Variants in SLC2A9 observed in about 807,000 individuals in gnomAD.
SLC2A9 encodes solute carrier family 2, facilitated glucose transporter member 9.
Under a neutral mutation model 50.6 loss-of-function variants are expected in SLC2A9, and 39 were observed. The ratio of observed to expected loss-of-function variants is 0.77; its 90% confidence interval spans 0.60 to 1.01. The LOEUF (loss-of-function observed/expected upper bound fraction) is 1.01, where lower values mean the gene tolerates loss of function less well. Among genes scored for constraint, SLC2A9 ranks in the 50% least tolerant of loss-of-function variants. The pLI is 0.00. For missense variants in SLC2A9, 686 were observed against 677.6 expected, an observed-to-expected ratio of 1.01 and a Z score of -0.14; for synonymous variants, 324 against 276.9, an observed-to-expected ratio of 1.17 and a Z score of -1.69.
At chr4:9,888,673 G>T (rs533789572) in intron 9 of SLC2A9, among the ~76,000 whole-genome samples, 7 of 152,206 alleles carry the variant, frequency 4.6e-5, no homozygotes, top group African/African-American at 1.4e-4. Flanking sequence ...GAAAGGAAAG[G>T]AAAGAGGTTC....
rs574968750 is a variant in SLC2A9 at position 10,030,043 on chromosome 4, TATACATAAAAAGAC to T, written c.-40-4051_-40-4038del. Reference sequence around the variant, plus strand: ...ATGCATGAAATCTAATGGTAAAATATATACATAAAAAGACATGCATATATATGAATACCCAAAAC... The same window carrying T: ...ATGCATGAAATCTAATGGTAAAATATATGCATATATATGAATACCCAAAAC... On this transcript the variant is annotated intron_variant, in intron 1 of 12. Coordinates refer to the SLC2A9 transcript ENST00000309065. Among the ~76,000 whole-genome samples, 794 of 152,298 alleles carry T rather than the reference TATACATAAAAAGAC, an allele frequency of 5.2e-3. 7 individuals carry two copies. Among genetic ancestry groups the T allele is most frequent in the Middle Eastern group, 0.021 (6 of 292 alleles).
intron 5 of SLC2A9, among the ~76,000 whole-genome samples, chr4:9,957,363 T>A (rs1751485421): frequency 6.6e-6 from 1 of 152,202 alleles, no homozygotes; most frequent in Admixed American, 6.5e-5. Flanking sequence ...ATACAAATCC[T>A]GCTCACGCTG....
Position 9,886,424 on chromosome 4 carries a change from CTGTGTGTGTGTGTGTGTGTGTG to C in SLC2A9, c.1291+1121_1291+1142del, listed in dbSNP as rs59081583. Among the ~76,000 whole-genome samples, 193 of 135,694 alleles carry C rather than the reference CTGTGTGTGTGTGTGTGTGTGTG, an allele frequency of 1.4e-3. 1 individual carries two copies. The highest frequency in any genetic ancestry group is 2.2e-3 in the East Asian group (10 of 4,470). The allele number at this position is 135,694 out of a possible 152,430, so 89.0% of individuals were successfully genotyped here. ...AGCCGTTCTGACCACCCTCATAGCA[CTGTGTGTGTGTGTGTGTGTGTG>C]TGTGTGTGTGTGTGTGTGTGTGTGT... On this transcript the variant is annotated intron_variant, in intron 10 of 11. Transcript: ENST00000264784.
intron 1 of SLC2A9, among the ~76,000 whole-genome samples, chr4:10,029,716 A>G (rs1466895735): frequency 1.3e-5 from 2 of 151,990 alleles, no homozygotes; most frequent in Admixed American, 1.3e-4. Flanking sequence ...TCCCGGGTTC[A>G]AGCGATTCTG....
intron 8 of SLC2A9, among the ~76,000 whole-genome samples, chr4:9,905,862 T>C (rs944512262): frequency 6.6e-6 from 1 of 152,096 alleles, no homozygotes. Flanking sequence ...GGCCCCATGA[T>C]GTTCTCTTTC....
At chr4:9,820,275 G>A (rs1292788542) in intron 3 of SLC2A9, among the ~76,000 whole-genome samples, 1 of 152,108 alleles carries the variant, frequency 6.6e-6, no homozygotes, top group East Asian at 1.9e-4. Context: ...TCATTTTTGT[G>A]TGGGTCTATT....
At chr4:9,952,249 C>T (rs1281599184) in intron 5 of SLC2A9, among the ~76,000 whole-genome samples, 3 of 152,122 alleles carry the variant, frequency 2.0e-5, no homozygotes, top group East Asian at 1.9e-4. Context: ...TTATAATCGC[C>T]GATGTTGGAG....
chr4:9,983,485 C>G (rs1380416279), intron 4 of SLC2A9, among the ~76,000 whole-genome samples: 1 of 152,190 alleles, frequency 6.6e-6, no homozygotes. Flanking sequence ...CCCCCCTGGC[C>G]CAGGGTGGGA....
At chr4:9,782,142 C>G (rs1427908737) in intron 3 of SLC2A9, 9 of 1,571,312 alleles carry the variant, frequency 5.7e-6, no homozygotes, top group Non-Finnish European at 7.8e-6. Context: ...CCACTGGGGC[C>G]CTCACAGGTG....
intron 10 of SLC2A9, among the ~76,000 whole-genome samples, chr4:9,875,234 T>A (rs1249925626): frequency 6.9e-6 from 1 of 144,802 alleles, no homozygotes; most frequent in Non-Finnish European, 1.5e-5. Flanking sequence ...CATAGGTTAC[T>A]CTCTGTCTAA....
intron 5 of SLC2A9, among the ~76,000 whole-genome samples, chr4:9,978,086 T>C (rs1485797694): frequency 6.6e-6 from 1 of 152,170 alleles, no homozygotes; most frequent in East Asian, 1.9e-4. Context: ...GCCAGCGATG[T>C]TTTCCCAGAG....
chr4:9,947,456 G>C (rs1749396990), intron 5 of SLC2A9, among the ~76,000 whole-genome samples: 1 of 152,156 alleles, frequency 6.6e-6, no homozygotes, highest in Admixed American at 6.5e-5. Context: ...CCCCAACCTA[G>C]GTGGCCATGA....
At chr4:9,873,482 T>C (rs1733784103) in intron 10 of SLC2A9, among the ~76,000 whole-genome samples, 1 of 152,252 alleles carries the variant, frequency 6.6e-6, no homozygotes. Flanking sequence ...GCTGATAGAA[T>C]GCAGCAGAAA....
intron 11 of SLC2A9, 131 bp downstream of exon 11, chr4:9,834,750 T>C (rs1346240259): frequency 2.8e-6 from 4 of 1,431,350 alleles, no homozygotes; most frequent in Admixed American, 1.9e-5. Flanking sequence ...CATAGTTTCT[T>C]CCTTCCTTAG....
intron 5 of SLC2A9, among the ~76,000 whole-genome samples, chr4:9,960,877 C>T (rs554865043): frequency 5.9e-5 from 9 of 152,238 alleles, no homozygotes; most frequent in Non-Finnish European, 7.4e-5. Context: ...AACCCAAATT[C>T]GGGAGCCTTC....
At chr4:9,809,454 C>G (rs1347344885) in intron 3 of SLC2A9, among the ~76,000 whole-genome samples, 1 of 152,146 alleles carries the variant, frequency 6.6e-6, no homozygotes, top group Non-Finnish European at 1.5e-5. Context: ...CCACAGGGCG[C>G]CTGACTCTAG....
chr4:9,860,035 G>C (rs1011701678), intron 10 of SLC2A9, among the ~76,000 whole-genome samples: 2 of 152,114 alleles, frequency 1.3e-5, no homozygotes, highest in African/African-American at 2.4e-5. Flanking sequence ...CCACAGCCTG[G>C]CTTCTTCCTG....
At chr4:9,907,261 T>G (rs879781065) in intron 8 of SLC2A9, among the ~76,000 whole-genome samples, 1 of 152,194 alleles carries the variant, frequency 6.6e-6, no homozygotes, top group Non-Finnish European at 1.5e-5. Flanking sequence ...CACAAGCATT[T>G]CATAAAGAGG....
At chr4:9,961,678 T>C (rs896122636) in intron 5 of SLC2A9, among the ~76,000 whole-genome samples, 1 of 151,852 alleles carries the variant, frequency 6.6e-6, no homozygotes, top group Non-Finnish European at 1.5e-5. Context: ...GACAAAAACA[T>C]CAAAAGCAAA....
Sources: allele counts gnomAD v4.1 joint callset (sites outside exome capture counted in the v4.1 genomes callset), GRCh38; gene constraint gnomAD v4.1.1; transcripts MANE v1.5; gene names NCBI Gene and HGNC (gene_info 2026-07-23, HGNC 2026-07-21).